HUNK: variants seen among roughly 807,000 people sequenced by gnomAD.
HUNK encodes the protein hormonally up-regulated Neu-associated kinase.
A neutral mutation model predicts 61.0 loss-of-function variants in HUNK; 21 were observed. The observed-to-expected ratio is 0.34, with a 90% CI of 0.24 to 0.50. The LOEUF is 0.50. HUNK is among the 20% of genes least tolerant of loss of function. HUNK has a pLI of 0.98. For synonymous variants in HUNK, 371 were observed against 386.1 expected, an observed-to-expected ratio of 0.96 and a Z score of 0.46; for missense variants, 772 against 945.7, an observed-to-expected ratio of 0.82 and a Z score of 2.41.
rs749640165 is a variant in HUNK, at chr21:31,958,823, G to A, written c.747-20G>A. 10 of 1,571,164 alleles carry A rather than the reference G, an allele frequency of 6.4e-6. No homozygotes were observed. Among genetic ancestry groups the A allele is most frequent in the Non-Finnish European group, 6.9e-6 (8 of 1,158,104 alleles). On this transcript the variant is annotated intron_variant, in intron 4 of 10. Transcript: ENST00000270112. ...CCAGGGGACCTGACTCCGCTTTCAT[G>A]TGTATGTCTCTCTTTTCAGAGGTGT...
At chr21:31,971,028 G>A (rs915346028) in intron 6 of HUNK, among the ~76,000 whole-genome samples, 3 of 151,830 alleles carry the variant, frequency 2.0e-5, no homozygotes, top group Non-Finnish European at 2.9e-5. Context: ...GCAAATCAGT[G>A]TTTGGTTTTT....
intron 2 of HUNK, among the ~76,000 whole-genome samples, chr21:31,929,786 C>T (rs1405198486): frequency 4.6e-5 from 7 of 152,208 alleles, no homozygotes; most frequent in Non-Finnish European, 1.0e-4. Context: ...CTTATCCATT[C>T]ATCAATATGG....
At chr21:31,909,806 C>T (rs535481108) in intron 1 of HUNK, among the ~76,000 whole-genome samples, 9 of 152,354 alleles carry the variant, frequency 5.9e-5, no homozygotes, top group Admixed American at 3.3e-4. Flanking sequence ...CACAGGAGCA[C>T]GTTCCACTCG....
chr21:31,944,261 TAG>T (rs1203079060), intron 3 of HUNK, among the ~76,000 whole-genome samples: 2 of 152,244 alleles, frequency 1.3e-5, no homozygotes, highest in African/African-American at 4.8e-5. Flanking sequence ...GTATTTTTAG[TAG>T]AGACAGGGTT....
chr21:31,996,991 A>C (rs2053210297), intron 10 of HUNK, among the ~76,000 whole-genome samples: 1 of 152,192 alleles, frequency 6.6e-6, no homozygotes, highest in South Asian at 2.1e-4. Flanking sequence ...CTTTCTGCTG[A>C]TGCATCTCAG....
Position 32,003,783 on chromosome 21 carries a change from C to A in HUNK, c.*4599C>A, listed in dbSNP as rs1342973857. 1 of 152,160 alleles carries A rather than the reference C, an allele frequency of 6.6e-6. No individual in the cohort carries two copies. The highest frequency in any genetic ancestry group is 1.5e-5 in the Non-Finnish European group (1 of 68,044). The allele number at this position is 152,160 out of a possible 1,614,324, so 9.4% of individuals were successfully genotyped here. On this transcript the variant is annotated 3_prime_UTR_variant, in exon 11 of 11. Transcript: ENST00000270112. ...CACAGTTATCTCTAGGAGTTGACGTCTGTGGGCACTAAGGGACTGAGGTTG... is the reference window on the plus strand; with the variant it reads ...CACAGTTATCTCTAGGAGTTGACGTATGTGGGCACTAAGGGACTGAGGTTG...
At chr21:31,997,927 T>G (rs2053217184) in intron 10 of HUNK, among the ~76,000 whole-genome samples, 1 of 151,986 alleles carries the variant, frequency 6.6e-6, no homozygotes, top group African/African-American at 2.4e-5. Flanking sequence ...TTCTTTTTTT[T>G]CTTTTTTTGA....
intron 1 of HUNK, among the ~76,000 whole-genome samples, chr21:31,908,932 A>G (rs1049764059): frequency 5.9e-5 from 9 of 152,084 alleles, no homozygotes; most frequent in Admixed American, 2.6e-4. Context: ...TTTGGGGCAT[A>G]CCAAGATGAA....
chr21:31,935,010 G>A lies in HUNK; in HGVS notation c.555-5155G>A, dbSNP rs140890747. On this transcript the variant is annotated intron_variant, in intron 2 of 10. Coordinates refer to ENST00000270112, the MANE Select transcript of HUNK (RefSeq NM_014586.2). ...ATTTTCACCCTTTTTTATTCCAGTT[G>A]TCTCTCAATTTTTCTGCCTCTTTGG... 3.9e-5 allele frequency among the ~76,000 whole-genome samples: 6 copies of A among 152,124 alleles called. No homozygotes were observed. The East Asian group carries it at 1.2e-3, about 29-fold the overall frequency.
At chr21:31,967,103 C>T (rs928983659) in intron 5 of HUNK, among the ~76,000 whole-genome samples, 1 of 152,134 alleles carries the variant, frequency 6.6e-6, no homozygotes, top group Non-Finnish European at 1.5e-5. Flanking sequence ...AATCCCAACA[C>T]TTTGGGAGGC....
chr21:31,989,298 G>A (rs1282205919), intron 8 of HUNK, among the ~76,000 whole-genome samples: 2 of 152,166 alleles, frequency 1.3e-5, no homozygotes, highest in South Asian at 2.1e-4. Context: ...AACCCACACA[G>A]GGATGAAACA....
At chr21:31,917,747 CACACACACA>C (rs1249456193) in intron 1 of HUNK, among the ~76,000 whole-genome samples, 245 of 146,704 alleles carry the variant, frequency 1.7e-3, no homozygotes, top group Admixed American at 2.8e-3. Context: ...CACACACACA[CACACACACA>C]CCCCTGGACT....
rs2053236097 is a variant in HUNK, at chr21:32,000,063, G to A, written c.*879G>A. ...AGGCAGGGCAAGTCTCGGTGGCCCT[G>A]TGTTCATCCTGTTGTTTAAGGCATA... On this transcript the variant is annotated 3_prime_UTR_variant, in exon 11 of 11. Coordinates refer to ENST00000270112, the MANE Select transcript of HUNK (RefSeq NM_014586.2). 3 of 397,386 alleles carry A rather than the reference G, an allele frequency of 7.5e-6. No individual in the cohort carries two copies. Among genetic ancestry groups the A allele is most frequent in the African/African-American group, 4.1e-5 (2 of 48,390 alleles). The allele number at this position is 397,386 out of a possible 1,614,324, so 24.6% of individuals were successfully genotyped here.
intron 1 of HUNK, among the ~76,000 whole-genome samples, chr21:31,908,469 T>G (rs900882050): frequency 5.9e-5 from 9 of 151,574 alleles, no homozygotes; most frequent in African/African-American, 2.2e-4. Flanking sequence ...GACTTGGCAA[T>G]CCATCGTAGG....
chr21:31,997,713 C>T (rs1471737064), intron 10 of HUNK, among the ~76,000 whole-genome samples: 1 of 152,148 alleles, frequency 6.6e-6, no homozygotes, highest in Non-Finnish European at 1.5e-5. Context: ...GATAACATTT[C>T]TGCTACGTGT....
At chr21:31,934,269 C>T (rs1601385751) in intron 2 of HUNK, among the ~76,000 whole-genome samples, 2 of 151,776 alleles carry the variant, frequency 1.3e-5, no homozygotes, top group African/African-American at 2.4e-5. Context: ...CGGTGAAATC[C>T]TGTCTCTACT....
At chr21:31,980,391 T>A (rs553686298) in intron 7 of HUNK, among the ~76,000 whole-genome samples, 1 of 150,492 alleles carries the variant, frequency 6.6e-6, no homozygotes, top group Non-Finnish European at 1.5e-5. Context: ...TTTTTTTTTT[T>A]TTTTGAGATG....
intron 1 of HUNK, among the ~76,000 whole-genome samples, chr21:31,889,820 C>T (rs2052373355): frequency 6.6e-6 from 1 of 152,106 alleles, no homozygotes; most frequent in African/African-American, 2.4e-5. Flanking sequence ...ATTAAAGCAG[C>T]TGAGAAAGTA....
intron 7 of HUNK, among the ~76,000 whole-genome samples, chr21:31,975,060 G>A (rs765621643): frequency 6.6e-6 from 1 of 151,996 alleles, no homozygotes; most frequent in Non-Finnish European, 1.5e-5. Flanking sequence ...GCATTGGAGG[G>A]TTCTCTGGTC....
Sources: allele counts gnomAD v4.1 joint callset (sites outside exome capture counted in the v4.1 genomes callset), GRCh38; gene constraint gnomAD v4.1.1; transcripts MANE v1.5; gene names NCBI Gene and HGNC (gene_info 2026-07-23, HGNC 2026-07-21).